The following MAST3 variants were observed in gnomAD, a reference collection of about 807,000 sequenced individuals.
MAST3 encodes microtubule associated serine/threonine kinase 3.
A neutral mutation model predicts 127.0 loss-of-function variants in MAST3; 43 were observed. That is an observed-to-expected ratio of 0.34 (90% CI 0.27 to 0.44). MAST3 has a LOEUF of 0.44. Among genes scored for constraint, MAST3 ranks in the 20% least tolerant of loss-of-function variants. The probability of loss-of-function intolerance (pLI) is 1.00; values close to 1 mark genes in which losing one functional copy is unlikely to be tolerated. For synonymous variants in MAST3, 785 were observed against 809.2 expected, an observed-to-expected ratio of 0.97 and a Z score of 0.51; for missense variants, 1,390 against 1,919.1, an observed-to-expected ratio of 0.72 and a Z score of 5.15.
In MAST3 at chr19:18,130,475, C is replaced by T. The variant is rs963426491; in HGVS notation, c.1224-19C>T. The T allele has an allele frequency of 1.9e-6, 3 of 1,575,734 alleles. No individual in the cohort carries two copies. Among genetic ancestry groups the T allele is most frequent in the East Asian group, 4.6e-5 (2 of 43,054 alleles). On this transcript the variant is annotated intron_variant, in intron 13 of 27. Transcript: ENST00000687212. ...GGCCTCGATCTCCGGTCCCAGCAAG[C>T]CTGGCCCTCTGTCCCCAGGGCCGTC... is the stretch of plus-strand genomic sequence containing the variant.
At position 18,141,854 on chromosome 19, in the gene MAST3, C is replaced by T. The variant is rs994905101; in HGVS notation, c.2206-28C>T. On this transcript the variant is annotated intron_variant, in intron 20 of 27. Coordinates refer to ENST00000687212, the MANE Select transcript of MAST3 (RefSeq NM_001393504.1). ...TACAGGCATGAGCCACCGCACCCGG[C>T]TTACCATTCTTTTGTCTTGCCTCCC... 52 of 1,382,044 alleles carry T rather than the reference C, an allele frequency of 3.8e-5. No individual in the cohort carries two copies. In the Middle Eastern group the frequency reaches 5.7e-4, roughly 15 times the overall value. The allele number at this position is 1,382,044 out of a possible 1,614,324, so 85.6% of individuals were successfully genotyped here. A position where few individuals can be genotyped will look rare whatever the true frequency, so the allele number is the denominator to read the frequency against.
In MAST3 at chr19:18,124,695, G is replaced by T. The variant is rs371891704; in HGVS notation, c.999G>T (p.Ala333=). 6.2e-7 allele frequency: 1 copy of T among 1,611,972 alleles called. No homozygotes were observed. Among genetic ancestry groups the T allele is most frequent in the Admixed American group, 1.7e-5 (1 of 59,216 alleles). Residue 333 remains alanine, a synonymous_variant, in exon 11 of 28, where the codon GCG becomes GCT. Coordinates refer to ENST00000687212, the MANE Select transcript of MAST3 (RefSeq NM_001393504.1). ...TGCTGGAGGCGGCTGAGGGCCATGC[G>T]CGGGAGGGCCAAGGCATTAAGACTG... is the stretch of plus-strand genomic sequence containing the variant. ...YHLLEAAEGH[A]REGQGIKTDL... is the part of the protein sequence containing the mutation.
chr19:18,100,233 T>G (rs962925935), intron 1 of MAST3, among the ~76,000 whole-genome samples: 1 of 151,248 alleles, frequency 6.6e-6, no homozygotes, highest in African/African-American at 2.4e-5. Context: ...CAAGTAATTC[T>G]CCCTGCCTCA....
In MAST3 at chr19:18,145,768, A is replaced by G; in HGVS notation, c.3065A>G (p.Gln1022Arg). Reference protein sequence around the residue: ...VWSVEDGSPAQEAGLRAGDLI... With the variant: ...VWSVEDGSPAREAGLRAGDLI... ...AGTGTGGAGGACGGAAGCCCCGCCC[A>G]GGAGGCGGGCCTGCGGGCTGGGGAC... is the stretch of plus-strand genomic sequence containing the variant. Residue 1022 changes from glutamine (Q) to arginine (R), a missense_variant, in exon 25 of 28, where the codon CAG (glutamine) becomes CGG (arginine). Physicochemically the swap from Gln to Arg is conservative, Grantham distance 43. This residue lies in a region of MAST3 where 816 missense variants were observed against 934.1 expected (regional missense o/e 0.87). Transcript: ENST00000687212. The surrounding 1 kb of genome is among the most constrained non-coding windows in gnomAD (Gnocchi z 5.9). The G allele has an allele frequency of 4.4e-6, 7 of 1,592,710 alleles. No homozygotes were observed. The highest frequency in any genetic ancestry group is 6.0e-6 in the Non-Finnish European group (7 of 1,172,346).
At chr19:18,108,273 G>A (rs756275937) in intron 2 of MAST3, among the ~76,000 whole-genome samples, 6 of 151,690 alleles carry the variant, frequency 4.0e-5, no homozygotes, top group Non-Finnish European at 8.8e-5. Context: ...CTGGGCAACA[G>A]AGTGAGACTC....
rs1410386265 is a variant in MAST3 at position 18,128,905 on chromosome 19, G to A, written c.1177G>A (p.Glu393Lys). 6 of 1,613,786 alleles carry A rather than the reference G, an allele frequency of 3.7e-6. No homozygotes were observed. The highest frequency in any genetic ancestry group is 2.7e-5 in the African/African-American group (2 of 74,922). ...LVGQSRRKPC[E>K]SDFETIKLIS... Reference sequence around the variant, plus strand: ...CGGCCAGTCACGGAGGAAGCCATGCGAAAGCGACTTTGAGACCATCAAACT... The same window carrying A: ...CGGCCAGTCACGGAGGAAGCCATGCAAAAGCGACTTTGAGACCATCAAACT... The change falls in exon 13 of 28, where the codon GAA (glutamate) becomes AAA (lysine). Residue 393 changes from glutamate (E) to lysine (K), a missense_variant. Glu to Lys is a moderately conservative substitution (Grantham distance 56). This residue lies in a region of MAST3 where 277 missense variants were observed against 384.8 expected (regional missense o/e 0.72). Transcript: ENST00000687212.
intron 11 of MAST3, among the ~76,000 whole-genome samples, chr19:18,127,664 A>G (rs1440892863): frequency 1.3e-5 from 2 of 152,144 alleles, no homozygotes; most frequent in East Asian, 3.9e-4. Context: ...AGCCTGGGCG[A>G]CAGAGTGAGA....
chr19:18,099,477 G>A (rs1411024003), intron 1 of MAST3, among the ~76,000 whole-genome samples: 1 of 151,646 alleles, frequency 6.6e-6, no homozygotes, highest in Non-Finnish European at 1.5e-5. Flanking sequence ...TGCTGCTGAC[G>A]TCAAGAAGTG....
chr19:18,109,282 C>T (rs1181428844), intron 2 of MAST3, among the ~76,000 whole-genome samples: 1 of 152,100 alleles, frequency 6.6e-6, no homozygotes, highest in Non-Finnish European at 1.5e-5. Flanking sequence ...AGGCCATCTG[C>T]TTCTGTTCCA....
At chr19:18,111,594 G>C (rs1013708259) in intron 3 of MAST3, among the ~76,000 whole-genome samples, 1 of 143,410 alleles carries the variant, frequency 7.0e-6, no homozygotes, top group Non-Finnish European at 1.5e-5. Context: ...GAGTGCAGTG[G>C]TGCAATCTCA....
At chr19:18,115,453 G>T (rs928672324) in intron 3 of MAST3, among the ~76,000 whole-genome samples, 1 of 151,956 alleles carries the variant, frequency 6.6e-6, no homozygotes, top group South Asian at 2.1e-4. Context: ...ATATGGGGTG[G>T]CTCAGCACGT....
intron 11 of MAST3, 29 bp from the exon 12 acceptor site, chr19:18,128,370 TC>T: frequency 6.5e-7 from 1 of 1,528,932 alleles, no homozygotes; most frequent in Non-Finnish European, 8.8e-7. Context: ...GCAGGGAGGC[TC>T]CAGCTGAGCC....
intron 3 of MAST3, chr19:18,117,998 G>A (rs2039486963): frequency 3.9e-6 from 2 of 516,108 alleles, no homozygotes; most frequent in Non-Finnish European, 5.0e-6. Flanking sequence ...CCTGGGCGGA[G>A]TTCCAGTCGC....
chr19:18,109,132 CAA>C (rs926467231), intron 2 of MAST3, among the ~76,000 whole-genome samples: 15 of 152,074 alleles, frequency 9.9e-5, no homozygotes, highest in Admixed American at 5.9e-4. Context: ...ACAGCTTGGG[CAA>C]AGTTTCTGGG....
chr19:18,146,021 CCTT>C (rs1197804809), intron 25 of MAST3, among the ~76,000 whole-genome samples, 156 bp downstream of exon 25: 2 of 152,320 alleles, frequency 1.3e-5, no homozygotes, highest in Admixed American at 6.5e-5. Context: ...GAATACATGT[CCTT>C]CTTCAGCCCC....
At chr19:18,140,663 GT>G (rs2042375537) in intron 20 of MAST3, among the ~76,000 whole-genome samples, 1 of 152,198 alleles carries the variant, frequency 6.6e-6, no homozygotes, top group South Asian at 2.1e-4. Flanking sequence ...GTGTGGACCA[GT>G]GCTTGCTTCC....
chr19:18,145,151 G>T lies in MAST3; in HGVS notation c.2961G>T (p.Lys987Asn), dbSNP rs760868537. Residue 987 changes from lysine to asparagine, a missense_variant, in exon 24 of 28, where the codon AAG becomes AAT. Around this residue, in one of 5 missense-constraint regions of MAST3, gnomAD observed 816 missense variants for 934.1 expected, o/e 0.87. Coordinates refer to ENST00000687212, the MANE Select transcript of MAST3 (RefSeq NM_001393504.1). The surrounding 1 kb of genome is among the most constrained non-coding windows in gnomAD (Gnocchi z 5.9). ...CCATCGTTATCCACAGCTCTGGCAA[G>T]AAGTACGGCTTCAGCCTGCGGGCGA... ...RPPIVIHSSG[K>N]KYGFSLRAIR... 3 of 1,613,830 alleles carry T rather than the reference G, an allele frequency of 1.9e-6. No individual in the cohort carries two copies.
At chr19:18,117,784 G>C (rs1222431034) in intron 3 of MAST3, among the ~76,000 whole-genome samples, 1 of 152,116 alleles carries the variant, frequency 6.6e-6, no homozygotes, top group Non-Finnish European at 1.5e-5. Flanking sequence ...TTAAGGTGCT[G>C]CCAACGCCCC....
Position 18,123,373 on chromosome 19 carries a change from A to G in MAST3, c.556A>G (p.Ser186Gly), listed in dbSNP as rs759283896. 1 of 1,610,060 alleles carries G rather than the reference A, an allele frequency of 6.2e-7. No homozygotes were observed. The highest frequency in any genetic ancestry group is 1.1e-5 in the South Asian group (1 of 90,818). The change falls in exon 7 of 28, where the codon AGC becomes GGC. Residue 186 changes from serine (S) to glycine (G), a missense_variant and splice_region_variant. Around this residue, in one of 5 missense-constraint regions of MAST3, gnomAD observed 277 missense variants for 384.8 expected, o/e 0.72. Transcript: ENST00000687212. ...PRLRPRSRSLSPGRATGTFDN... is the reference protein window; with the variant it reads ...PRLRPRSRSLGPGRATGTFDN... ...CCTCCGACCCCGCTCTCGCAGTCTC[A>G]GGTGGGCCGCGACCTCTGGCCCCAG...
Sources: gnomAD v4.1 joint callset for allele counts (sites outside exome capture counted in the v4.1 genomes callset) on GRCh38, gnomAD v4.1.1 for gene constraint, gnomAD v4.1.1 regional missense constraint, Gnocchi (gnomAD v3.1) non-coding constraint, MANE v1.5 for transcripts, NCBI Gene and HGNC (gene_info 2026-07-23, HGNC 2026-07-21) for gene names.